PCDHGA2: variants seen among roughly 807,000 people sequenced by gnomAD.
PCDHGA2 encodes the protein protocadherin gamma subfamily A, 2, also known as protocadherin gamma-A2.
PCDHGA2 carries 40 observed loss-of-function variants against 59.2 expected under a neutral mutation model. The ratio of observed to expected loss-of-function variants is 0.68; its 90% CI spans 0.52 to 0.88. The LOEUF (loss-of-function observed/expected upper bound fraction) is 0.88. Ranked by LOEUF, PCDHGA2 falls within the 40% of genes least tolerant of loss-of-function variation. PCDHGA2 has a pLI of 0.00. For synonymous variants in PCDHGA2, 560 were observed against 526.0 expected (o/e 1.06, Z -0.89); for missense variants, 1,226 against 1,204.0 (o/e 1.02, Z -0.27).
chr5:141,494,985 C>A, intron 2 of PCDHGA2, 120 bp downstream of exon 2: 1 of 1,559,680 alleles, frequency 6.4e-7, no homozygotes. Context: ...AGTTTGAGAT[C>A]CCAGGGAGGT....
Position 141,345,551 on chromosome 5 carries a change from T to G in PCDHGA2, c.2424+4156T>G, listed in dbSNP as rs1199362529. On this transcript the variant is annotated intron_variant, in intron 1 of 3. Coordinates refer to ENST00000394576, the MANE Select transcript of PCDHGA2 (RefSeq NM_018915.4). Reference sequence around the variant, plus strand: ...GGGCGCCCCTGTCCTCCTTCGTCTCTATCAACTCCAACACTGGCGTCCTAT... The same window carrying G: ...GGGCGCCCCTGTCCTCCTTCGTCTCGATCAACTCCAACACTGGCGTCCTAT... 2.5e-6 allele frequency: 4 copies of G among 1,614,066 alleles called. No individual in the cohort carries two copies. In the African/African-American group the frequency reaches 4.0e-5, roughly 16 times the overall value.
At chr5:141,388,735 C>T (rs758511912) in intron 1 of PCDHGA2, 9 of 1,613,974 alleles carry the variant, frequency 5.6e-6, no homozygotes, top group Non-Finnish European at 7.6e-6. Context: ...TTCAGTGAAG[C>T]TAGCCAGATC....
At chr5:141,437,463 AC>A (rs2097887109) in intron 1 of PCDHGA2, among the ~76,000 whole-genome samples, 1 of 152,184 alleles carries the variant, frequency 6.6e-6, no homozygotes, top group Non-Finnish European at 1.5e-5. Flanking sequence ...ACTATACTAT[AC>A]TTTTATAGCA....
rs1375469711 is a variant in PCDHGA2 at position 141,512,102 on chromosome 5, C to G, written c.*929C>G. On this transcript the variant is annotated 3_prime_UTR_variant, in exon 4 of 4. Coordinates refer to ENST00000394576, the MANE Select transcript of PCDHGA2 (RefSeq NM_018915.4). Reference sequence around the variant, plus strand: ...GCCATAAACCAATAACTAGGCTGGACCCTTCCCACTACATAATAGGGCTCA... The same window carrying G: ...GCCATAAACCAATAACTAGGCTGGAGCCTTCCCACTACATAATAGGGCTCA... The G allele has an allele frequency of 6.5e-6, 1 of 152,806 alleles. No individual in the cohort carries two copies. The highest frequency in any genetic ancestry group is 1.9e-4 in the East Asian group (1 of 5,182). The allele number at this position is 152,806 out of a possible 1,614,324, so 9.5% of individuals were successfully genotyped here. A position where few individuals can be genotyped will look rare whatever the true frequency, so the allele number is the denominator to read the frequency against.
intron 1 of PCDHGA2, among the ~76,000 whole-genome samples, chr5:141,429,781 A>G (rs2097245343): frequency 1.3e-5 from 2 of 152,186 alleles, no homozygotes; most frequent in Non-Finnish European, 2.9e-5. Context: ...TGGGCTTCCA[A>G]AAGTATTACC....
rs1297899765 is a variant in PCDHGA2, at chr5:141,431,815, C to T, written c.2425-62992C>T. ...CCCCAGAAGTGGTCCTCACCTCTCTCGCCAGCTCGGTTCCCGAAAACTCTC... is the reference window on the plus strand; with the variant it reads ...CCCCAGAAGTGGTCCTCACCTCTCTTGCCAGCTCGGTTCCCGAAAACTCTC... On this transcript the variant is annotated intron_variant, in intron 1 of 3. Transcript: ENST00000394576. The surrounding 1 kb of genome is among the most constrained non-coding windows in gnomAD (Gnocchi z 4.8). 5 of 1,614,124 alleles carry T rather than the reference C, an allele frequency of 3.1e-6. No homozygotes were observed. The Admixed American group carries it at 5.0e-5, about 16-fold the overall frequency.
chr5:141,465,918 C>T lies in PCDHGA2; in HGVS notation c.2425-28889C>T, dbSNP rs34980831. On this transcript the variant is annotated intron_variant, in intron 1 of 3. Transcript: ENST00000394576. ...CGGGCAAATCACGAGGTCAGGATTT[C>T]GAGTCCATCCTGGCTAACATGGTGA... 2.0e-3 allele frequency among the ~76,000 whole-genome samples: 307 copies of T among 152,144 alleles called. 1 individual carries two copies. Among genetic ancestry groups the T allele is most frequent in the Middle Eastern group, 0.01 (3 of 294 alleles).
intron 1 of PCDHGA2, among the ~76,000 whole-genome samples, chr5:141,402,328 A>G (rs1589453798): frequency 6.6e-6 from 1 of 152,000 alleles, no homozygotes; most frequent in Non-Finnish European, 1.5e-5. Context: ...ACATTTACAA[A>G]TATATAGGTA....
chr5:141,457,168 C>T (rs10072917), intron 1 of PCDHGA2, among the ~76,000 whole-genome samples: 42,426 of 152,004 alleles, frequency 0.28, 6,644 homozygotes, highest in African/African-American at 0.43. Context: ...ATGGATAACC[C>T]TATTGCAAAT....
intron 1 of PCDHGA2, among the ~76,000 whole-genome samples, chr5:141,467,707 G>A (rs1203906639): frequency 6.6e-6 from 1 of 152,140 alleles, no homozygotes; most frequent in Non-Finnish European, 1.5e-5. Flanking sequence ...TGTTGCCCAG[G>A]CTGGAGTGTA....
At position 141,344,571 on chromosome 5, in the gene PCDHGA2, C is replaced by T. The variant is rs968234173; in HGVS notation, c.2424+3176C>T. 1.7e-5 allele frequency: 28 copies of T among 1,613,904 alleles called. No individual in the cohort carries two copies. The Admixed American group carries it at 3.0e-4, about 17-fold the overall frequency. On this transcript the variant is annotated intron_variant, in intron 1 of 3. Transcript: ENST00000394576. ...GCTTAGCCCCAATGACTACTTCTCT[C>T]TGGCTGTGAATAGCGTCTCTGAGGG...
At position 141,409,906 on chromosome 5, in the gene PCDHGA2, T is replaced by C. The variant is rs779572711; in HGVS notation, c.2424+68511T>C. Reference sequence around the variant, plus strand: ...CGCGGGTGCTGTACCCAGCTCTGGGTCCTGACGGCTCCGCGTTCTTCGATA... The same window carrying C: ...CGCGGGTGCTGTACCCAGCTCTGGGCCCTGACGGCTCCGCGTTCTTCGATA... On this transcript the variant is annotated intron_variant, in intron 1 of 3. Transcript: ENST00000394576. 6 of 1,613,214 alleles carry C rather than the reference T, an allele frequency of 3.7e-6. No homozygotes were observed. The South Asian group carries it at 6.6e-5, about 18-fold the overall frequency.
At chr5:141,421,788 G>C (rs1262781272) in intron 1 of PCDHGA2, 7 of 1,613,682 alleles carry the variant, frequency 4.3e-6, no homozygotes, top group Admixed American at 3.3e-5. Flanking sequence ...GGGGCAGAAC[G>C]GATGGGGCCA....
rs749937052 is a variant in PCDHGA2, at chr5:141,490,441, G to A, written c.2425-4366G>A. ...CCTGCCATTTCAGATTAAGCCTTCT[G>A]AGAACCACTACTCGCTGCTAACCAG... On this transcript the variant is annotated intron_variant, in intron 1 of 3. Coordinates refer to ENST00000394576, the MANE Select transcript of PCDHGA2 (RefSeq NM_018915.4). The surrounding 1 kb of genome is among the most constrained non-coding windows in gnomAD (Gnocchi z 5.4). The A allele has an allele frequency of 9.3e-6, 15 of 1,614,208 alleles. No homozygotes were observed. The highest frequency in any genetic ancestry group is 1.2e-5 in the Non-Finnish European group (14 of 1,180,042).
chr5:141,486,211 T>C lies in PCDHGA2; in HGVS notation c.2425-8596T>C, dbSNP rs779905477. On this transcript the variant is annotated intron_variant, in intron 1 of 3. Coordinates refer to ENST00000394576, the MANE Select transcript of PCDHGA2 (RefSeq NM_018915.4). The surrounding 1 kb of genome is among the most constrained non-coding windows in gnomAD (Gnocchi z 5.0). ...TGGATCTGCTGGACGTAAATGACAA[T>C]GCCCCTTACATCACAGTGACCTCAG... 6.2e-7 allele frequency: 1 copy of C among 1,614,142 alleles called. No homozygotes were observed. Among genetic ancestry groups the C allele is most frequent in the Non-Finnish European group, 8.5e-7 (1 of 1,180,024 alleles).
chr5:141,372,797 CA>C (rs1769078994), intron 1 of PCDHGA2: 2 of 1,597,434 alleles, frequency 1.3e-6, no homozygotes, highest in Admixed American at 3.5e-5. Flanking sequence ...CTAATTCAGG[CA>C]ATTTGCAAAA....
Position 141,431,278 on chromosome 5 carries a change from C to A in PCDHGA2, c.2425-63529C>A, listed in dbSNP as rs755533628. On this transcript the variant is annotated intron_variant, in intron 1 of 3. Transcript: ENST00000394576. The surrounding 1 kb of genome is among the most constrained non-coding windows in gnomAD (Gnocchi z 4.8). ...ACTCTCTGCAGAGCTACGAGCTCAG[C>A]CCGAACACTCACTTCTCCCTCATCG... 6.2e-7 allele frequency: 1 copy of A among 1,614,170 alleles called. No individual in the cohort carries two copies. The highest frequency in any genetic ancestry group is 8.5e-7 in the Non-Finnish European group (1 of 1,180,038).
chr5:141,429,377 GTT>G (rs566693637), intron 1 of PCDHGA2, among the ~76,000 whole-genome samples: 7 of 149,436 alleles, frequency 4.7e-5, no homozygotes, highest in African/African-American at 1.7e-4. Flanking sequence ...GAGAAAATGT[GTT>G]TTTTTTTTAA....
chr5:141,386,913 A>T lies in PCDHGA2; in HGVS notation c.2424+45518A>T, dbSNP rs575520734. On this transcript the variant is annotated intron_variant, in intron 1 of 3. Coordinates refer to ENST00000394576, the MANE Select transcript of PCDHGA2 (RefSeq NM_018915.4). ...TCCTTCAATTCAGAGGTCACCAAGG[A>T]ATGTAAAATAAGTGCAGAGGTAGGA... Among the ~76,000 whole-genome samples the T allele has an allele frequency of 1.0e-3, 156 of 152,358 alleles. 1 individual carries two copies. The Middle Eastern group carries it at 0.017, about 17-fold the overall frequency.
Sources: gnomAD v4.1 joint callset for allele counts (sites outside exome capture counted in the v4.1 genomes callset) on GRCh38, gnomAD v4.1.1 for gene constraint, Gnocchi (gnomAD v3.1) non-coding constraint, MANE v1.5 for transcripts, NCBI Gene and HGNC (gene_info 2026-07-23, HGNC 2026-07-21) for gene names.